The following ZC3H18 variants were observed in gnomAD, a reference collection of about 807,000 sequenced individuals.
ZC3H18 encodes zinc finger CCCH-type containing 18, also known as zinc finger CCCH domain-containing protein 18.
ZC3H18 carries 8 observed loss-of-function variants against 106.1 expected under a neutral mutation model. The ratio of observed to expected loss-of-function variants is 0.08; its 90% CI spans 0.04 to 0.14. ZC3H18 has a LOEUF of 0.14. ZC3H18 is among the 10% of genes least tolerant of loss of function. The pLI is 1.00. For synonymous variants in ZC3H18, 635 were observed against 522.1 expected, an observed-to-expected ratio of 1.22 and a Z score of -2.95; for missense variants, 1,318 against 1,278.4, an observed-to-expected ratio of 1.03 and a Z score of -0.47.
intron 2 of ZC3H18, among the ~76,000 whole-genome samples, chr16:88,586,399 G>A (rs1207381678): frequency 6.6e-6 from 1 of 152,142 alleles, no homozygotes; most frequent in African/African-American, 2.4e-5. Flanking sequence ...GTGCTGTGGC[G>A]GGATGCTTAG....
chr16:88,630,345 T>G (rs1906583732), intron 16 of ZC3H18, 140 bp from the exon 17 acceptor site: 5 of 638,844 alleles, frequency 7.8e-6, no homozygotes, highest in Non-Finnish European at 1.3e-5. Context: ...GCTCTCCCCT[T>G]TTTATTTCTT....
intron 6 of ZC3H18, among the ~76,000 whole-genome samples, chr16:88,606,403 C>A (rs936869057): frequency 3.9e-5 from 6 of 152,252 alleles, no homozygotes; most frequent in African/African-American, 1.4e-4. Flanking sequence ...TCATTCCTAT[C>A]CGCTCATCCA....
chr16:88,581,849 C>T (rs1252978824), intron 2 of ZC3H18, among the ~76,000 whole-genome samples: 1 of 152,170 alleles, frequency 6.6e-6, no homozygotes, highest in Non-Finnish European at 1.5e-5. Flanking sequence ...TCCAGCCTGG[C>T]GAGGCTCTGA....
At chr16:88,622,167 T>C in intron 8 of ZC3H18, 30 bp from the exon 9 acceptor site, 1 of 1,590,994 alleles carries the variant, frequency 6.3e-7, no homozygotes, top group Non-Finnish European at 8.6e-7. Context: ...GAAGGTGGCC[T>C]GAGAGTTGCT....
At chr16:88,625,421 G>A (rs1906242552) in intron 13 of ZC3H18, 154 bp downstream of exon 13, 2 of 870,772 alleles carry the variant, frequency 2.3e-6, no homozygotes, top group Non-Finnish European at 3.6e-6. Context: ...TGCGGTTGAA[G>A]CTTTGACACA....
intron 1 of ZC3H18, 113 bp from the exon 2 acceptor site, chr16:88,576,997 G>T: frequency 9.1e-7 from 1 of 1,104,352 alleles, no homozygotes; most frequent in Non-Finnish European, 1.3e-6. Flanking sequence ...TTGGGGCAGG[G>T]CCGTGTGGGA....
chr16:88,583,410 C>A (rs539813853), intron 2 of ZC3H18, among the ~76,000 whole-genome samples: 11 of 152,362 alleles, frequency 7.2e-5, no homozygotes, highest in African/African-American at 2.4e-4. Flanking sequence ...GCAGCATTTT[C>A]CTTCAGCCCA....
At chr16:88,586,116 G>C (rs978611355) in intron 2 of ZC3H18, among the ~76,000 whole-genome samples, 3 of 152,166 alleles carry the variant, frequency 2.0e-5, no homozygotes, top group African/African-American at 7.2e-5. Context: ...AGGGTGAGGA[G>C]CTGGTTGAGG....
rs558035807 is a variant in ZC3H18 at position 88,629,563 on chromosome 16, T to G, written c.2566+709T>G. On this transcript the variant is annotated intron_variant, in intron 16 of 17. Transcript: ENST00000301011. Reference sequence around the variant, plus strand: ...GGTTTTTCCATTTTTGCAAATCTCTTCAGTCTGGCTGACGGAAGACGGCTG... The same window carrying G: ...GGTTTTTCCATTTTTGCAAATCTCTGCAGTCTGGCTGACGGAAGACGGCTG... Among the ~76,000 whole-genome samples, 14 of 152,344 alleles carry G rather than the reference T, an allele frequency of 9.2e-5. No homozygotes were observed. In the South Asian group the frequency reaches 2.9e-3, roughly 32 times the overall value.
At chr16:88,621,564 G>A (rs1271445503) in intron 8 of ZC3H18, among the ~76,000 whole-genome samples, 1 of 152,052 alleles carries the variant, frequency 6.6e-6, no homozygotes, top group African/African-American at 2.4e-5. Flanking sequence ...CACCATGTTG[G>A]CCAGGCTGGT....
Position 88,611,357 on chromosome 16 carries a change from GGAGCGC to G in ZC3H18, c.1302_1307del (p.Glu441_Arg442del), listed in dbSNP as rs1401586344. On this transcript the variant is annotated inframe_deletion, in exon 8 of 18. Transcript: ENST00000301011. Reference sequence around the variant, plus strand: ...ACCGAGAGCGGGAGCGCCGGCAGAGGGAGCGCGAGCGAGAGCGGGAGCGCGAGCGCG... The same window carrying G: ...ACCGAGAGCGGGAGCGCCGGCAGAGGGAGCGAGAGCGGGAGCGCGAGCGCG... 15 of 896,458 alleles carry G rather than the reference GGAGCGC, an allele frequency of 1.7e-5. No individual in the cohort carries two copies. Among genetic ancestry groups the G allele is most frequent in the Non-Finnish European group, 2.4e-5 (13 of 548,628 alleles). 55.5% of individuals were successfully genotyped at this position (896,458 alleles called of 1,614,324 possible).
intron 3 of ZC3H18, 82 bp downstream of exon 3, chr16:88,586,766 G>A (rs1915461803): frequency 1.8e-6 from 2 of 1,094,326 alleles, no homozygotes; most frequent in Admixed American, 1.9e-5. Flanking sequence ...ACCTTGCCAG[G>A]CCCTGCTCTG....
Position 88,623,187 on chromosome 16 carries a change from C to T in ZC3H18, c.1668-32C>T, listed in dbSNP as rs373709560. 1.0e-3 allele frequency: 1,673 copies of T among 1,605,086 alleles called. 45 individuals carry two copies. In the South Asian group the frequency reaches 0.017, roughly 17 times the overall value. On this transcript the variant is annotated intron_variant, in intron 9 of 17. Coordinates refer to ENST00000301011, the MANE Select transcript of ZC3H18 (RefSeq NM_144604.4). Reference sequence around the variant, plus strand: ...TGTGGGGCAGGGAGGGCCCTTCTCACTTCTCGCCACGCTCCGTCCCGCCCG... The same window carrying T: ...TGTGGGGCAGGGAGGGCCCTTCTCATTTCTCGCCACGCTCCGTCCCGCCCG...
intron 8 of ZC3H18, among the ~76,000 whole-genome samples, chr16:88,620,934 C>G (rs537743983): frequency 6.6e-6 from 1 of 152,378 alleles, no homozygotes; most frequent in African/African-American, 2.4e-5. Context: ...GGCGCAGTCT[C>G]AGCTCACTGC....
intron 2 of ZC3H18, among the ~76,000 whole-genome samples, chr16:88,578,880 G>A (rs947633511): frequency 9.2e-5 from 14 of 152,262 alleles, no homozygotes; most frequent in African/African-American, 3.1e-4. Flanking sequence ...TAGAGATGAG[G>A]TGTCGCCCTG....
intron 6 of ZC3H18, among the ~76,000 whole-genome samples, chr16:88,607,598 A>G (rs528140564): frequency 6.6e-6 from 1 of 151,886 alleles, no homozygotes; most frequent in Non-Finnish European, 1.5e-5. Flanking sequence ...GCGTCTCCCC[A>G]TTTATTCACA....
At chr16:88,590,404 C>T (rs961942215) in intron 3 of ZC3H18, among the ~76,000 whole-genome samples, 7 of 152,112 alleles carry the variant, frequency 4.6e-5, no homozygotes, top group Non-Finnish European at 8.8e-5. Flanking sequence ...TACGCCTGCC[C>T]GGCTCCACAG....
At chr16:88,600,351 C>T (rs557962829) in intron 6 of ZC3H18, among the ~76,000 whole-genome samples, 113 of 152,324 alleles carry the variant, frequency 7.4e-4, no homozygotes, top group African/African-American at 1.3e-3. Context: ...GCGGCCTCTT[C>T]GCTGTCAGGG....
intron 3 of ZC3H18, among the ~76,000 whole-genome samples, chr16:88,593,824 T>G (rs1481188923): frequency 1.3e-5 from 2 of 152,226 alleles, no homozygotes; most frequent in Non-Finnish European, 2.9e-5. Flanking sequence ...AAAATTGGAC[T>G]TTTGTGTGCT....
Sources: allele counts gnomAD v4.1 joint callset (sites outside exome capture counted in the v4.1 genomes callset), GRCh38; gene constraint gnomAD v4.1.1; transcripts MANE v1.5; gene names NCBI Gene and HGNC (gene_info 2026-07-23, HGNC 2026-07-21).